FREM1: variants seen among roughly 807,000 people sequenced by gnomAD.
FREM1 encodes the protein FRAS1-related extracellular matrix protein 1.
FREM1 carries 220 observed loss-of-function variants against 210.1 expected under a neutral mutation model. The ratio of observed to expected loss-of-function variants is 1.05; its 90% CI spans 0.94 to 1.17. The LOEUF is 1.17. FREM1 is among the 50% of genes most tolerant of loss of function. The pLI is 0.00. For missense variants in FREM1, 3,454 were observed against 2,675.5 expected (o/e 1.29, Z -6.42); for synonymous variants, 1,189 against 980.2 (o/e 1.21, Z -3.98).
Position 14,737,543 on chromosome 9 carries a change from A to G in FREM1, c.6393T>C (p.Pro2131=), listed in dbSNP as rs1840610094. The G allele has an allele frequency of 6.2e-7, 1 of 1,609,496 alleles. No homozygotes were observed. The highest frequency in any genetic ancestry group is 1.3e-5 in the African/African-American group (1 of 75,000). ...CTCTTCTCCCATTGGTGAAGGCAACAGGTTCACCACCGATCCACTCCCAGT... is the reference window on the plus strand; with the variant it reads ...CTCTTCTCCCATTGGTGAAGGCAACGGGTTCACCACCGATCCACTCCCAGT... ...AGHWEWIGGE[P]VAFTNGRRGP... The change falls in exon 37 of 37, where the codon CCT becomes CCC. Residue 2131 remains proline, a synonymous_variant. Coordinates refer to ENST00000380880, the MANE Select transcript of FREM1 (RefSeq NM_001379081.2).
At chr9:14,864,096 T>C (rs1831087503) in intron 2 of FREM1, among the ~76,000 whole-genome samples, 193 bp from the exon 3 acceptor site, 2 of 152,184 alleles carry the variant, frequency 1.3e-5, no homozygotes, top group South Asian at 4.1e-4. Context: ...TATACAGCTG[T>C]CTCTTGTTTT....
At chr9:14,830,643 C>G (rs915332921) in intron 10 of FREM1, among the ~76,000 whole-genome samples, 1 of 152,196 alleles carries the variant, frequency 6.6e-6, no homozygotes, top group South Asian at 2.1e-4. Flanking sequence ...TGGAGCTCCC[C>G]CCGCTCTGTT....
intron 1 of FREM1, among the ~76,000 whole-genome samples, chr9:14,875,028 G>A (rs1041798164): frequency 7.2e-5 from 11 of 152,234 alleles, no homozygotes; most frequent in East Asian, 3.9e-4. Flanking sequence ...AGTTTCTGCC[G>A]AGAGATCCGC....
intron 6 of FREM1, 92 bp from the exon 7 acceptor site, chr9:14,848,865 C>T: frequency 3.1e-6 from 2 of 641,140 alleles, no homozygotes; most frequent in South Asian, 5.1e-5. Flanking sequence ...ACAGTGGATT[C>T]AGTTTTCTGC....
intron 24 of FREM1, 121 bp downstream of exon 24, chr9:14,784,249 G>A (rs951947649): frequency 2.2e-5 from 19 of 851,772 alleles, no homozygotes; most frequent in Admixed American, 1.8e-4. Context: ...GGTATACAGC[G>A]TGATGTTATA....
intron 2 of FREM1, 26 bp from the exon 3 acceptor site, chr9:14,863,929 A>C (rs375654180): frequency 7.1e-7 from 1 of 1,406,438 alleles, no homozygotes; most frequent in Non-Finnish European, 1.0e-6. Flanking sequence ...AATTGGATAA[A>C]TATCTATGAG....
rs757812530 is a variant in FREM1, at chr9:14,868,909, G to C, written c.69C>G (p.Pro23=). The C allele has an allele frequency of 3.1e-6, 5 of 1,605,466 alleles. No individual in the cohort carries two copies. The African/African-American group carries it at 5.3e-5, about 17-fold the overall frequency. ...LLLLLLAWAS[P]TFISINRGVR... ...CCCCGCGGTTGATGCTGATGAAGGT[G>C]GGGCTGGCCCAGGCCAGGAGGAGCA... The change falls in exon 2 of 37, where the codon CCC becomes CCG. Residue 23 remains proline (P), a synonymous_variant. Transcript: ENST00000380880.
At chr9:14,827,956 AAG>A (rs1564021386) in intron 10 of FREM1, among the ~76,000 whole-genome samples, 1 of 152,248 alleles carries the variant, frequency 6.6e-6, no homozygotes, top group African/African-American at 2.4e-5. Flanking sequence ...TGCAGAGTGC[AAG>A]AGCTGTGAAA....
chr9:14,796,285 GTC>G (rs1852366420), intron 21 of FREM1, among the ~76,000 whole-genome samples: 2 of 152,148 alleles, frequency 1.3e-5, no homozygotes, highest in Admixed American at 1.3e-4. Flanking sequence ...TCTACAACAT[GTC>G]TCTTACTGTT....
intron 10 of FREM1, among the ~76,000 whole-genome samples, chr9:14,827,121 G>A (rs1822606371): frequency 2.6e-5 from 4 of 152,154 alleles, no homozygotes; most frequent in Admixed American, 2.6e-4. Context: ...ATATTGCTGT[G>A]AATAGATCAT....
At chr9:14,779,939 T>C (rs1387962634) in intron 24 of FREM1, among the ~76,000 whole-genome samples, 1 of 152,058 alleles carries the variant, frequency 6.6e-6, no homozygotes, top group Non-Finnish European at 1.5e-5. Flanking sequence ...CAGAGAGACA[T>C]CATCAGAGAG....
At position 14,863,892 on chromosome 9, in the gene FREM1, GCAGT is replaced by G; in HGVS notation, c.242_245del (p.Asp81AlafsTer23). The G allele has an allele frequency of 2.5e-6, 4 of 1,605,058 alleles. No individual in the cohort carries two copies. Among genetic ancestry groups the G allele is most frequent in the Non-Finnish European group, 2.6e-6 (3 of 1,171,928 alleles). On this transcript the variant is annotated frameshift_variant, in exon 3 of 37. Transcript: ENST00000380880. LOFTEE classifies it high-confidence loss of function. The stretch of plus-strand genomic sequence containing the variant: ...ACTTGACTTCGTTGGGAAGGAAATG[GCAGT>G]CAAAGACCTAGTTCACATGAAGAAT...
intron 1 of FREM1, among the ~76,000 whole-genome samples, chr9:14,876,701 G>A (rs1214148666): frequency 6.6e-6 from 1 of 152,160 alleles, no homozygotes; most frequent in East Asian, 1.9e-4. Flanking sequence ...TGCGCCCACT[G>A]TCTGGCACTC....
intron 2 of FREM1, among the ~76,000 whole-genome samples, chr9:14,867,498 T>C (rs1228663064): frequency 6.6e-6 from 1 of 152,192 alleles, no homozygotes; most frequent in Non-Finnish European, 1.5e-5. Flanking sequence ...GACATTTGGT[T>C]ACTACCACAT....
intron 7 of FREM1, 109 bp downstream of exon 7, chr9:14,848,556 G>A (rs1425894499): frequency 9.7e-6 from 5 of 514,194 alleles, no homozygotes; most frequent in African/African-American, 7.6e-5. Context: ...CTGGGTTTCA[G>A]TTGCCACATG....
chr9:14,871,733 C>A (rs1051475712), intron 1 of FREM1, among the ~76,000 whole-genome samples: 1 of 152,120 alleles, frequency 6.6e-6, no homozygotes, highest in Non-Finnish European at 1.5e-5. Context: ...CTTGCCCATG[C>A]CTATGTCCTG....
rs374363258 is a variant in FREM1, at chr9:14,865,747, A to G, written c.235-1844T>C. On this transcript the variant is annotated intron_variant, in intron 2 of 36. Transcript: ENST00000380880. ...ATTTCTAAAACTCCATAAGGAACGA[A>G]CCCCTAGGGAAGGACTGAACCAGCC... Among the ~76,000 whole-genome samples, 9 of 151,776 alleles carry G rather than the reference A, an allele frequency of 5.9e-5. No homozygotes were observed. In the South Asian group the frequency reaches 1.9e-3, roughly 32 times the overall value.
In FREM1 at chr9:14,836,074, C is replaced by T. The variant is rs978022938; in HGVS notation, c.1881+5373G>A. ...GGTAATGAAAAGTGAGTAAGGTGCC[C>T]ATAACTCTGAGCTTTCTTTGTTTGG... On this transcript the variant is annotated intron_variant, in intron 10 of 36. Coordinates refer to ENST00000380880, the MANE Select transcript of FREM1 (RefSeq NM_001379081.2). This position sits in a 1 kb window ranked among gnomAD's most constrained non-coding sequence, Gnocchi z 4.9. Among the ~76,000 whole-genome samples, 2 of 152,246 alleles carry T rather than the reference C, an allele frequency of 1.3e-5. No individual in the cohort carries two copies. Among genetic ancestry groups the T allele is most frequent in the East Asian group, 1.9e-4 (1 of 5,174 alleles).
intron 10 of FREM1, among the ~76,000 whole-genome samples, chr9:14,829,361 G>C (rs765015168): frequency 1.6e-4 from 25 of 152,132 alleles, no homozygotes; most frequent in Non-Finnish European, 2.9e-4. Context: ...TCCACAGCCT[G>C]CTCCATGAAC....
Sources: allele counts gnomAD v4.1 joint callset (sites outside exome capture counted in the v4.1 genomes callset), GRCh38; gene constraint gnomAD v4.1.1; non-coding constraint Gnocchi (gnomAD v3.1); transcripts MANE v1.5; gene names NCBI Gene and HGNC (gene_info 2026-07-23, HGNC 2026-07-21).